The following PTPRA variants were observed in gnomAD, a reference collection of about 807,000 sequenced individuals.
PTPRA encodes receptor-type tyrosine-protein phosphatase alpha.
Under a neutral mutation model 104.8 loss-of-function variants are expected in PTPRA, and 25 were observed. The ratio of observed to expected loss-of-function variants is 0.24; its 90% CI spans 0.17 to 0.33. The LOEUF is 0.33. Ranked by LOEUF, PTPRA falls within the 10% of genes least tolerant of loss-of-function variation. PTPRA has a pLI of 1.00. For missense variants in PTPRA, 765 were observed against 1,015.3 expected, an observed-to-expected ratio of 0.75 and a Z score of 3.35; for synonymous variants, 323 against 368.9, an observed-to-expected ratio of 0.88 and a Z score of 1.43.
chr20:3,007,257 C>G (rs2063919110), intron 10 of PTPRA, 87 bp from the exon 11 acceptor site: 2 of 1,287,254 alleles, frequency 1.6e-6, no homozygotes, highest in Non-Finnish European at 2.3e-6. Context: ...TGCACATAGG[C>G]ACAGATGTCT....
chr20:3,013,622 G>A (rs2148363235), intron 11 of PTPRA, among the ~76,000 whole-genome samples: 1 of 152,236 alleles, frequency 6.6e-6, no homozygotes, highest in East Asian at 1.9e-4. Context: ...TGTTGGTCAT[G>A]CTGGCCTCAA....
At chr20:2,992,434 T>A (rs2063216749) in intron 9 of PTPRA, among the ~76,000 whole-genome samples, 1 of 152,122 alleles carries the variant, frequency 6.6e-6, no homozygotes, top group Non-Finnish European at 1.5e-5. Context: ...GGAGAATCGC[T>A]TGAACCCGGG....
chr20:2,911,439 G>A (rs2059719226), intron 1 of PTPRA, among the ~76,000 whole-genome samples: 1 of 152,192 alleles, frequency 6.6e-6, no homozygotes, highest in Admixed American at 6.5e-5. Context: ...TTCCTGTTTT[G>A]ATGAACTATG....
intron 3 of PTPRA, among the ~76,000 whole-genome samples, chr20:2,955,964 C>G (rs1411002199): frequency 3.3e-5 from 5 of 152,156 alleles, no homozygotes; most frequent in Non-Finnish European, 7.4e-5. Context: ...TCATCACTTT[C>G]CCCACCACAT....
the PTPRA span, chr20:2,864,842 CAG>C: frequency 8.0e-7 from 1 of 1,246,138 alleles, no homozygotes; most frequent in Non-Finnish European, 1.1e-6. This position sits in a 1 kb window ranked among gnomAD's most constrained non-coding sequence, Gnocchi z 5.2. Flanking sequence ...TCTAGGACAT[CAG>C]AGTGGTGCAC....
Position 2,941,743 on chromosome 20 carries a change from G to C in PTPRA, c.-49-6239G>C, listed in dbSNP as rs1208121818. On this transcript the variant is annotated intron_variant, in intron 2 of 23. Transcript: ENST00000399903. The stretch of plus-strand genomic sequence containing the variant: ...ACTTCAGACACGGTGGCTTCTTTCA[G>C]ACCCTGCTCCTGCCCTTTCTGAGGT... Among the ~76,000 whole-genome samples the C allele has an allele frequency of 2.0e-5, 3 of 152,096 alleles. No homozygotes were observed. In the East Asian group the frequency reaches 5.8e-4, roughly 29 times the overall value.
upstream of PTPRA, among the ~76,000 whole-genome samples, chr20:2,871,254 A>G (rs936546274): frequency 6.6e-6 from 1 of 152,182 alleles, no homozygotes; most frequent in African/African-American, 2.4e-5. Context: ...CAAGCTGAAC[A>G]TGCCTAATTC....
chr20:2,997,245 G>C (rs1255381513), intron 9 of PTPRA, among the ~76,000 whole-genome samples: 1 of 151,992 alleles, frequency 6.6e-6, no homozygotes, highest in African/African-American at 2.4e-5. Context: ...TGTCAACAGT[G>C]GCTGCCTACA....
At chr20:3,024,686 G>A (rs954440000) in intron 17 of PTPRA, 65 bp downstream of exon 17, 57 of 1,578,246 alleles carry the variant, frequency 3.6e-5, no homozygotes, top group Non-Finnish European at 4.7e-5. Flanking sequence ...AACATGGGAT[G>A]CCTGACTGTG....
upstream of PTPRA, among the ~76,000 whole-genome samples, chr20:2,868,770 T>G (rs1238173814): frequency 6.6e-6 from 1 of 151,960 alleles, no homozygotes; most frequent in African/African-American, 2.4e-5. Flanking sequence ...AACCCAGTTT[T>G]CCTCTCTGGA....
intron 19 of PTPRA, among the ~76,000 whole-genome samples, 167 bp downstream of exon 19, chr20:3,027,364 G>A (rs2065198339): frequency 6.6e-6 from 1 of 151,962 alleles, no homozygotes; most frequent in Non-Finnish European, 1.5e-5. Context: ...GGTCTGTCCA[G>A]CTCCATAGAG....
At chr20:2,994,849 G>T (rs1294584493) in intron 9 of PTPRA, among the ~76,000 whole-genome samples, 1 of 152,214 alleles carries the variant, frequency 6.6e-6, no homozygotes, top group East Asian at 1.9e-4. Context: ...CTTTATCCAG[G>T]CTGGGCACAA....
intron 2 of PTPRA, among the ~76,000 whole-genome samples, chr20:2,925,781 C>G (rs2060271512): frequency 2.6e-5 from 4 of 152,084 alleles, no homozygotes; most frequent in Admixed American, 2.6e-4. Flanking sequence ...TGCTACTGCA[C>G]TCCAGCCTGG....
chr20:2,997,884 C>G (rs2063464296), intron 9 of PTPRA, among the ~76,000 whole-genome samples: 1 of 152,204 alleles, frequency 6.6e-6, no homozygotes, highest in Admixed American at 6.5e-5. Context: ...TAATCTAGCA[C>G]TTTGGGAAGC....
Position 3,038,188 on chromosome 20 carries a change from C to A in PTPRA, c.*55C>A, listed in dbSNP as rs1051274284. 9 of 1,505,400 alleles carry A rather than the reference C, an allele frequency of 6.0e-6. No homozygotes were observed. The African/African-American group carries it at 9.7e-5, about 16-fold the overall frequency. 93.3% of individuals were successfully genotyped at this position (1,505,400 alleles called of 1,614,324 possible). A position where few individuals can be genotyped will look rare whatever the true frequency, so the allele number is the denominator to read the frequency against. On this transcript the variant is annotated 3_prime_UTR_variant, in exon 24 of 24. Coordinates refer to ENST00000399903, the MANE Select transcript of PTPRA (RefSeq NM_001385305.1). ...ATTGCCTTTAATATTTTGTAATATT[C>A]TGTTTTGTTAATATACCCCAAATTG... is the stretch of plus-strand genomic sequence containing the variant.
chr20:2,995,223 TTGTAA>T (rs1466434838), intron 9 of PTPRA, among the ~76,000 whole-genome samples: 4 of 152,236 alleles, frequency 2.6e-5, no homozygotes, highest in African/African-American at 9.6e-5. Flanking sequence ...TTCCTATCAT[TTGTAA>T]TGATCCAGCT....
chr20:2,882,548 C>T (rs940387842), intron 1 of PTPRA, among the ~76,000 whole-genome samples: 3 of 152,056 alleles, frequency 2.0e-5, no homozygotes, highest in Non-Finnish European at 4.4e-5. Flanking sequence ...TGCCAAAAGA[C>T]CTTCCAAAGT....
At chr20:3,007,543 T>G (rs1247277085) in intron 11 of PTPRA, 123 bp downstream of exon 11, 1 of 1,086,636 alleles carries the variant, frequency 9.2e-7, no homozygotes, top group African/African-American at 1.6e-5. Context: ...ACAAGTCTGG[T>G]TTTTTTAAGT....
chr20:3,016,819 T>C (rs1306712124), intron 12 of PTPRA, among the ~76,000 whole-genome samples: 6 of 152,230 alleles, frequency 3.9e-5, no homozygotes, highest in South Asian at 4.1e-4. Context: ...TTTAGTCTAA[T>C]GCCCCTGGGG....
Sources: allele counts gnomAD v4.1 joint callset (sites outside exome capture counted in the v4.1 genomes callset), GRCh38; gene constraint gnomAD v4.1.1; non-coding constraint Gnocchi (gnomAD v3.1); transcripts MANE v1.5; gene names NCBI Gene and HGNC (gene_info 2026-07-23, HGNC 2026-07-21).